RBFOX1: variants seen among roughly 807,000 people sequenced by gnomAD.
RBFOX1 encodes the protein RNA binding protein fox-1 homolog 1.
Under a neutral mutation model 57.7 loss-of-function variants are expected in RBFOX1, and 8 were observed. The ratio of observed to expected loss-of-function variants is 0.14; its 90% CI spans 0.08 to 0.25. The LOEUF (loss-of-function observed/expected upper bound fraction) is 0.25, where lower values mean the gene tolerates loss of function less well. Ranked by LOEUF, RBFOX1 falls within the 10% of genes least tolerant of loss-of-function variation. RBFOX1 has a pLI of 1.00. For missense variants in RBFOX1, 611 were observed against 548.5 expected, an observed-to-expected ratio of 1.11 and a Z score of -1.14; for synonymous variants, 326 against 222.4, an observed-to-expected ratio of 1.47 and a Z score of -4.15.
chr16:6,057,239 C>G (rs2095625709), intron 1 of RBFOX1: 1 of 151,868 alleles, frequency 6.6e-6, no homozygotes, highest in African/African-American at 2.4e-5. Flanking sequence ...TCTGCCTCCT[C>G]TAAATGCAGC....
chr16:5,328,824 C>T (rs563258219), intron 1 of RBFOX1, among the ~76,000 whole-genome samples: 1 of 152,166 alleles, frequency 6.6e-6, no homozygotes, highest in African/African-American at 2.4e-5. Flanking sequence ...ATGTGAAATT[C>T]ACAAAGAGAA....
intron 4 of RBFOX1, among the ~76,000 whole-genome samples, chr16:7,204,551 A>T (rs575268480): frequency 1.1e-3 from 165 of 152,220 alleles, no homozygotes; most frequent in Middle Eastern, 6.8e-3. Flanking sequence ...GAAGCTGAGG[A>T]TGGAGAATCA....
chr16:5,518,357 T>C (rs566280626), intron 2 of RBFOX1, among the ~76,000 whole-genome samples: 62 of 152,258 alleles, frequency 4.1e-4, no homozygotes, highest in African/African-American at 1.5e-3. Flanking sequence ...AAGTGACATT[T>C]TTTTTGACCC....
chr16:5,497,415 C>T (rs1393815869), intron 2 of RBFOX1, among the ~76,000 whole-genome samples: 3 of 151,836 alleles, frequency 2.0e-5, no homozygotes, highest in African/African-American at 7.3e-5. Context: ...TGAGCCTTGA[C>T]TATGTGCTAT....
intron 11 of RBFOX1, among the ~76,000 whole-genome samples, chr16:7,644,357 C>G (rs2063359999): frequency 6.6e-6 from 1 of 152,194 alleles, no homozygotes; most frequent in African/African-American, 2.4e-5. Flanking sequence ...ATTGAATTTT[C>G]TCCACCTGAT....
At chr16:6,260,650 G>C (rs1314944889) in intron 1 of RBFOX1, among the ~76,000 whole-genome samples, 2 of 152,306 alleles carry the variant, frequency 1.3e-5, no homozygotes, top group African/African-American at 4.8e-5. Flanking sequence ...GGCCGAGGCA[G>C]GTGGATCACT....
chr16:7,546,613 A>G (rs1484938191), intron 5 of RBFOX1, among the ~76,000 whole-genome samples: 2 of 152,194 alleles, frequency 1.3e-5, no homozygotes, highest in East Asian at 3.9e-4. Flanking sequence ...AAATGCAAAG[A>G]TGATACCTGC....
intron 2 of RBFOX1, among the ~76,000 whole-genome samples, chr16:6,636,807 ATATATAATATATAATATATGTTATATAT>A (rs1158397705): frequency 9.9e-4 from 10 of 10,132 alleles, no homozygotes; most frequent in Non-Finnish European, 4.6e-3. Context: ...GTTATATATA[ATATATAATATATAATATATGTTATATAT>A]AATATATAAT....
At chr16:5,458,945 C>G (rs531649892) in intron 1 of RBFOX1, among the ~76,000 whole-genome samples, 75 of 152,322 alleles carry the variant, frequency 4.9e-4, no homozygotes, top group Non-Finnish European at 5.3e-4. Context: ...CTGGCTTCAA[C>G]TCTTCCAGGC....
At chr16:6,571,638 A>G (rs970753221) in intron 2 of RBFOX1, among the ~76,000 whole-genome samples, 2 of 152,114 alleles carry the variant, frequency 1.3e-5, no homozygotes, top group African/African-American at 4.8e-5. Context: ...ATTACAGAGA[A>G]TCTTGGGGTT....
rs2056214158 is a variant in RBFOX1 at position 7,067,003 on chromosome 16, A to G, written c.27+14905A>G. On this transcript the variant is annotated intron_variant, in intron 4 of 15. Transcript: ENST00000550418. ...AAATGCCTCTTTATGCTCCTAACAA[A>G]CAGTAACAGATTATGCACACAGAGC... Among the ~76,000 whole-genome samples the G allele has an allele frequency of 2.0e-5, 3 of 152,180 alleles. No homozygotes were observed. In the South Asian group the frequency reaches 6.2e-4, roughly 32 times the overall value.
At chr16:5,846,584 C>T (rs908155355) in intron 3 of RBFOX1, among the ~76,000 whole-genome samples, 7 of 152,154 alleles carry the variant, frequency 4.6e-5, no homozygotes, top group Non-Finnish European at 1.0e-4. Context: ...GGTGCACAGC[C>T]AGTGAGCTGT....
At chr16:6,653,818 G>A (rs543324399) in intron 2 of RBFOX1, among the ~76,000 whole-genome samples, 3 of 151,728 alleles carry the variant, frequency 2.0e-5, no homozygotes, top group South Asian at 2.1e-4. Flanking sequence ...GGATGAATGG[G>A]AGAAGGATGC....
intron 5 of RBFOX1, among the ~76,000 whole-genome samples, chr16:7,533,536 C>G (rs1005889914): frequency 6.6e-6 from 1 of 152,228 alleles, no homozygotes; most frequent in Non-Finnish European, 1.5e-5. Flanking sequence ...ACTTCCCCTA[C>G]TGAACATCAT....
intron 4 of RBFOX1, among the ~76,000 whole-genome samples, chr16:5,971,241 A>T (rs1266287899): frequency 6.6e-6 from 1 of 152,218 alleles, no homozygotes; most frequent in Non-Finnish European, 1.5e-5. Flanking sequence ...GTGAGGATGT[A>T]TTTCTGAGCT....
chr16:5,279,096 T>G (rs1267200545), intron 1 of RBFOX1, among the ~76,000 whole-genome samples: 2 of 152,130 alleles, frequency 1.3e-5, no homozygotes, highest in African/African-American at 2.4e-5. Context: ...CATGTGAATT[T>G]CAGGGTTTTT....
chr16:6,381,072 G>A (rs1408652409), intron 2 of RBFOX1, among the ~76,000 whole-genome samples: 2 of 152,166 alleles, frequency 1.3e-5, no homozygotes, highest in African/African-American at 4.8e-5. Context: ...TCAGTTTGGG[G>A]CAAGGGGATT....
intron 4 of RBFOX1, among the ~76,000 whole-genome samples, chr16:7,404,654 G>A (rs1451718613): frequency 5.9e-5 from 9 of 152,152 alleles, no homozygotes; most frequent in East Asian, 1.9e-4. Flanking sequence ...TGCTGCCAGC[G>A]TTGGAAATAG....
chr16:5,981,289 T>C (rs1004302630), intron 4 of RBFOX1, among the ~76,000 whole-genome samples: 2 of 152,152 alleles, frequency 1.3e-5, no homozygotes, highest in African/African-American at 4.8e-5. Context: ...TATGGAGAGC[T>C]GGCATCTACA....
Sources: gnomAD v4.1 joint callset for allele counts (sites outside exome capture counted in the v4.1 genomes callset) on GRCh38, gnomAD v4.1.1 for gene constraint, MANE v1.5 for transcripts, NCBI Gene and HGNC (gene_info 2026-07-23, HGNC 2026-07-21) for gene names.